The following HNRNPC variants were observed in gnomAD, a reference collection of about 807,000 sequenced individuals.
HNRNPC encodes heterogeneous nuclear ribonucleoprotein C.
Under a neutral mutation model 33.2 loss-of-function variants are expected in HNRNPC, and 3 were observed. The observed-to-expected ratio is 0.09, with a 90% CI of 0.04 to 0.23. The LOEUF (loss-of-function observed/expected upper bound fraction) is 0.23, where lower values mean the gene tolerates loss of function less well. HNRNPC is among the 10% of genes least tolerant of loss of function. HNRNPC has a pLI of 1.00. For synonymous variants in HNRNPC, 121 were observed against 126.7 expected (o/e 0.96, Z 0.30); for missense variants, 143 against 366.7 (o/e 0.39, Z 4.98).
intron 2 of HNRNPC, among the ~76,000 whole-genome samples, chr14:21,248,322 C>T (rs1407785656): frequency 6.6e-6 from 1 of 152,154 alleles, no homozygotes; most frequent in African/African-American, 2.4e-5. Context: ...GGATTACAGG[C>T]GTGAGCCCCT....
intron 5 of HNRNPC, among the ~76,000 whole-genome samples, chr14:21,217,901 T>C (rs1201864086): frequency 1.3e-5 from 2 of 152,202 alleles, no homozygotes; most frequent in African/African-American, 4.8e-5. Context: ...ACCAGACATT[T>C]CATGGGAAGA....
At chr14:21,254,171 T>G (rs944244858) in intron 2 of HNRNPC, among the ~76,000 whole-genome samples, 4 of 151,840 alleles carry the variant, frequency 2.6e-5, no homozygotes, top group African/African-American at 9.7e-5. Flanking sequence ...AATAAAGATA[T>G]GCACAACTGT....
intron 2 of HNRNPC, among the ~76,000 whole-genome samples, chr14:21,256,858 T>TTGAGAG (rs1271323142): frequency 2.0e-5 from 3 of 152,170 alleles, no homozygotes; most frequent in Non-Finnish European, 4.4e-5. Context: ...TTCACCATGT[T>TTGAGAG]GCCCAGGCCG....
chr14:21,242,082 G>A (rs1253729334), intron 2 of HNRNPC, among the ~76,000 whole-genome samples: 2 of 152,008 alleles, frequency 1.3e-5, no homozygotes, highest in African/African-American at 2.4e-5. Context: ...CACACGCAAA[G>A]GTCAAAACCC....
chr14:21,237,617 T>C (rs571113519), intron 2 of HNRNPC, among the ~76,000 whole-genome samples: 1 of 152,354 alleles, frequency 6.6e-6, no homozygotes, highest in African/African-American at 2.4e-5. Flanking sequence ...CTAGGTAGTA[T>C]GGTGTGGTTT....
At chr14:21,255,663 G>C (rs966577841) in intron 2 of HNRNPC, among the ~76,000 whole-genome samples, 8 of 149,680 alleles carry the variant, frequency 5.3e-5, no homozygotes, top group African/African-American at 1.3e-4. Context: ...CTACCACATT[G>C]ATCATTATAA....
intron 4 of HNRNPC, 129 bp downstream of exon 4, chr14:21,230,868 G>T: frequency 9.9e-7 from 1 of 1,005,718 alleles, no homozygotes; most frequent in South Asian, 1.5e-5. Context: ...ATAAAACACA[G>T]TACACTTAAA....
At chr14:21,227,190 C>G (rs1893564098) in intron 5 of HNRNPC, among the ~76,000 whole-genome samples, 1 of 151,672 alleles carries the variant, frequency 6.6e-6, no homozygotes, top group Admixed American at 6.6e-5. Flanking sequence ...CCTGTATCTG[C>G]CCCTCTCCCC....
At position 21,210,411 on chromosome 14, in the gene HNRNPC, A is replaced by C. The variant is rs1405472724; in HGVS notation, c.*812T>G. The C allele has an allele frequency of 6.6e-6, 1 of 152,508 alleles. No individual in the cohort carries two copies. The highest frequency in any genetic ancestry group is 2.4e-5 in the African/African-American group (1 of 41,464). 9.4% of individuals were successfully genotyped at this position (152,508 alleles called of 1,614,324 possible). On this transcript the variant is annotated 3_prime_UTR_variant, in exon 9 of 9. Coordinates refer to ENST00000553300, the MANE Select transcript of HNRNPC (RefSeq NM_004500.4). ...CATCTCAATGAAATATAATTTGAGT[A>C]GTGTTGTGTTGGTATGCATCATGAT... is the stretch of plus-strand genomic sequence containing the variant.
chr14:21,227,293 A>C (rs1893579600), intron 5 of HNRNPC, among the ~76,000 whole-genome samples: 1 of 152,190 alleles, frequency 6.6e-6, no homozygotes, highest in Non-Finnish European at 1.5e-5. Flanking sequence ...CAACTTGAGT[A>C]AGTTCCCATC....
chr14:21,259,061 G>A (rs763489445), intron 2 of HNRNPC, among the ~76,000 whole-genome samples: 2 of 152,142 alleles, frequency 1.3e-5, no homozygotes, highest in Non-Finnish European at 2.9e-5. Flanking sequence ...AAGGTCCCGT[G>A]CTATGAAATG....
At chr14:21,231,927 T>C (rs1013296507) in intron 3 of HNRNPC, among the ~76,000 whole-genome samples, 2 of 152,218 alleles carry the variant, frequency 1.3e-5, no homozygotes, top group Admixed American at 6.5e-5. Context: ...TAGTGAAGTG[T>C]GACAACCTCA....
Position 21,231,839 on chromosome 14 carries a change from T to C in HNRNPC, c.242-767A>G, listed in dbSNP as rs1894153346. ...CTATCACTGGTTGCCTTTCCAAGAA[T>C]GGTTCAGCTCATTCCGAATTATTAC... On this transcript the variant is annotated intron_variant, in intron 3 of 8. Transcript: ENST00000553300. Among the ~76,000 whole-genome samples the C allele has an allele frequency of 1.3e-5, 2 of 152,194 alleles. 1 individual carries two copies. Among genetic ancestry groups the C allele is most frequent in the South Asian group, 4.1e-4 (2 of 4,834 alleles).
At chr14:21,216,342 A>C (rs1380633274) in intron 5 of HNRNPC, among the ~76,000 whole-genome samples, 1 of 152,176 alleles carries the variant, frequency 6.6e-6, no homozygotes, top group East Asian at 1.9e-4. Flanking sequence ...TTAATAATAA[A>C]GCTATCATTT....
chr14:21,248,351 T>C (rs182607058), intron 2 of HNRNPC, among the ~76,000 whole-genome samples: 2 of 152,240 alleles, frequency 1.3e-5, no homozygotes, highest in African/African-American at 2.4e-5. Flanking sequence ...CCTAGACACA[T>C]GTGTTTCAAG....
At chr14:21,216,502 C>T (rs1892203320) in intron 5 of HNRNPC, among the ~76,000 whole-genome samples, 1 of 152,184 alleles carries the variant, frequency 6.6e-6, no homozygotes, top group South Asian at 2.1e-4. Context: ...GAGGCCAGGA[C>T]ATGGAGACGG....
At chr14:21,268,173 A>G (rs188491405) in intron 1 of HNRNPC, among the ~76,000 whole-genome samples, 102 of 152,146 alleles carry the variant, frequency 6.7e-4, no homozygotes, top group Middle Eastern at 3.4e-3. Context: ...GATCTAAACA[A>G]TTTTTTTTAA....
chr14:21,227,778 A>G (rs749497730), intron 5 of HNRNPC, among the ~76,000 whole-genome samples: 6 of 152,190 alleles, frequency 3.9e-5, no homozygotes, highest in Non-Finnish European at 8.8e-5. Context: ...AATGAGAACT[A>G]TTTTCAAGAA....
chr14:21,212,854 A>G (rs1891768869), intron 6 of HNRNPC, 106 bp downstream of exon 6: 1 of 1,410,404 alleles, frequency 7.1e-7, no homozygotes, highest in Non-Finnish European at 1.0e-6. Context: ...CTCTTCCATT[A>G]TTTTGAATAC....
Sources: allele counts gnomAD v4.1 joint callset (sites outside exome capture counted in the v4.1 genomes callset), GRCh38; gene constraint gnomAD v4.1.1; transcripts MANE v1.5; gene names NCBI Gene and HGNC (gene_info 2026-07-23, HGNC 2026-07-21).